PLD1: variants seen among roughly 807,000 people sequenced by gnomAD.
The protein encoded by PLD1 is choline phosphatase 1.
In PLD1, 112 loss-of-function variants were observed where a neutral mutation model predicts 137.1. The ratio of observed to expected loss-of-function variants is 0.82; its 90% CI spans 0.70 to 0.96. The LOEUF (loss-of-function observed/expected upper bound fraction) is 0.96, where lower values mean the gene tolerates loss of function less well. Ranked by LOEUF, PLD1 falls within the 40% of genes least tolerant of loss-of-function variation. The pLI, the probability that PLD1 is intolerant of heterozygous loss-of-function variation, is 0.00. For missense variants in PLD1, 1,321 were observed against 1,342.0 expected, an observed-to-expected ratio of 0.98 and a Z score of 0.24; for synonymous variants, 431 against 454.7, an observed-to-expected ratio of 0.95 and a Z score of 0.66.
intron 1 of PLD1, chr3:171,789,999 G>C (rs1459086669): frequency 6.6e-6 from 1 of 152,244 alleles, no homozygotes; most frequent in Admixed American, 6.5e-5. Flanking sequence ...ACATTTTGCA[G>C]CATGCATGTA....
rs1264095143 is a variant in PLD1 at position 171,748,341 on chromosome 3, T to G, written c.-31-10259A>C. Among the ~76,000 whole-genome samples the G allele has an allele frequency of 3.9e-5, 6 of 152,214 alleles. No individual in the cohort carries two copies. In the East Asian group the frequency reaches 1.2e-3, roughly 29 times the overall value. ...AAAGGTAGTTAATATTGCTAAAAAC[T>G]GTGGTCAGACTTCTAAAATTAACAT... On this transcript the variant is annotated intron_variant, in intron 1 of 26. Transcript: ENST00000351298.
At position 171,687,509 on chromosome 3, in the gene PLD1, T is replaced by C. The variant is rs1182172900; in HGVS notation, c.1615A>G (p.Lys539Glu). ...NEPVQNLPIQ[K>E]SIDDVDSKLK... ...TTTGAATCCACATCATCAATACTCT[T>C]CTGGATGGGTAGGTTTTGAACAGGC... is the stretch of plus-strand genomic sequence containing the variant. Residue 539 changes from lysine to glutamate, a missense_variant, in exon 15 of 27, where the codon AAG (lysine) becomes GAG (glutamate). Lys to Glu is a moderately conservative substitution (Grantham distance 56). Coordinates refer to ENST00000351298, the MANE Select transcript of PLD1 (RefSeq NM_002662.5). 6.2e-7 allele frequency: 1 copy of C among 1,613,870 alleles called. No homozygotes were observed. Among genetic ancestry groups the C allele is most frequent in the African/African-American group, 1.3e-5 (1 of 74,910 alleles).
intron 1 of PLD1, chr3:171,793,028 GGA>G: frequency 4.1e-6 from 1 of 244,694 alleles, no homozygotes; most frequent in Admixed American, 5.7e-5. Context: ...GATCCACGTG[GGA>G]ACACAAACCA....
intron 16 of PLD1, among the ~76,000 whole-genome samples, chr3:171,678,184 C>G (rs775883212): frequency 2.7e-4 from 41 of 152,150 alleles, no homozygotes; most frequent in Non-Finnish European, 5.0e-4. Flanking sequence ...ATGCATAATT[C>G]TTTTGCATTA....
At chr3:171,677,183 C>G (rs1052590293) in intron 17 of PLD1, among the ~76,000 whole-genome samples, 2 of 152,130 alleles carry the variant, frequency 1.3e-5, no homozygotes, top group Non-Finnish European at 2.9e-5. Flanking sequence ...TCTCTATCTC[C>G]TCTTAAACAT....
At chr3:171,779,362 G>A (rs1261130037) in intron 1 of PLD1, among the ~76,000 whole-genome samples, 1 of 152,068 alleles carries the variant, frequency 6.6e-6, no homozygotes, top group African/African-American at 2.4e-5. Context: ...GATGCAGAGT[G>A]TAAAAAAAAG....
rs1181204176 is a variant in PLD1, at chr3:171,777,522, C to T, written c.-32+32877G>A. Among the ~76,000 whole-genome samples, 4 of 152,238 alleles carry T rather than the reference C, an allele frequency of 2.6e-5. No homozygotes were observed. In the East Asian group the frequency reaches 7.7e-4, roughly 29 times the overall value. ...AGGGTTTCCTACTGCCCTAGCAGTTCCTTTAACCTGAAGCCATTTTCTCTA... is the reference window on the plus strand; with the variant it reads ...AGGGTTTCCTACTGCCCTAGCAGTTTCTTTAACCTGAAGCCATTTTCTCTA... On this transcript the variant is annotated intron_variant, in intron 1 of 26. Transcript: ENST00000351298.
intron 25 of PLD1, chr3:171,611,536 C>A: frequency 5.8e-6 from 3 of 512,968 alleles, no homozygotes; most frequent in South Asian, 1.4e-5. Flanking sequence ...AGCCCAGCTT[C>A]CTAGCCCAGT....
rs146885315 is a variant in PLD1, at chr3:171,676,758, C to T, written c.2072G>A (p.Arg691His). 63 of 1,614,086 alleles carry T rather than the reference C, an allele frequency of 3.9e-5. No homozygotes were observed. Among genetic ancestry groups the T allele is most frequent in the African/African-American group, 2.8e-4 (21 of 74,934 alleles). The part of the protein sequence containing the change: ...IASAVHGKAA[R>H]DVARHFIQRW... Reference sequence around the variant, plus strand: ...CTGGATGAAGTGACGTGCCACATCACGAGCCGCCTTCCCGTGGACTGCAGA... The same window carrying T: ...CTGGATGAAGTGACGTGCCACATCATGAGCCGCCTTCCCGTGGACTGCAGA... Residue 691 changes from arginine (R) to histidine (H), a missense_variant, in exon 18 of 27, where the codon CGT (arginine) becomes CAT (histidine). By Grantham distance (29) the Arg-to-His change is conservative. Transcript: ENST00000351298.
chr3:171,720,279 G>A (rs1377066192), intron 8 of PLD1, among the ~76,000 whole-genome samples: 1 of 129,308 alleles, frequency 7.7e-6, no homozygotes, highest in Non-Finnish European at 1.6e-5. Context: ...TGGTGACAAG[G>A]TGAGACCCTG....
At chr3:171,790,519 G>A (rs1162522091) in intron 1 of PLD1, among the ~76,000 whole-genome samples, 3 of 152,190 alleles carry the variant, frequency 2.0e-5, no homozygotes, top group African/African-American at 7.2e-5. Flanking sequence ...GAGAAGAGAA[G>A]ATTGTGAGTT....
Position 171,737,589 on chromosome 3 carries a change from G to A in PLD1, c.231C>T (p.Ser77=), listed in dbSNP as rs999483206. Residue 77 remains serine (S), a synonymous_variant, in exon 3 of 27, where the codon TCC becomes TCT. Transcript: ENST00000351298. The stretch of plus-strand genomic sequence containing the variant: ...GAACTTGTGCTTTTATTGGACAGCC[G>A]GAGAGATACGTCTGTATATTAGGCT... ...FKEPNIQTYL[S]GCPIKAQVLE... 12 of 1,612,136 alleles carry A rather than the reference G, an allele frequency of 7.4e-6. No homozygotes were observed. Among genetic ancestry groups the A allele is most frequent in the East Asian group, 2.2e-5 (1 of 44,866 alleles).
At position 171,600,509 on chromosome 3, in the gene PLD1, T is replaced by C. The variant is rs1312877394; in HGVS notation, c.*2569A>G. 1 of 152,220 alleles carries C rather than the reference T, an allele frequency of 6.6e-6. No individual in the cohort carries two copies. The highest frequency in any genetic ancestry group is 1.5e-5 in the Non-Finnish European group (1 of 68,044). 9.4% of individuals were successfully genotyped at this position (152,220 alleles called of 1,614,324 possible). A position where few individuals can be genotyped will look rare whatever the true frequency, so the allele number is the denominator to read the frequency against. On this transcript the variant is annotated 3_prime_UTR_variant, in exon 27 of 27. Transcript: ENST00000351298. ...TGAATTATTTACATTTTAAAAAGTTTATCAGATATTGCAATGTTAAAGATA... is the reference window on the plus strand; with the variant it reads ...TGAATTATTTACATTTTAAAAAGTTCATCAGATATTGCAATGTTAAAGATA...
intron 23 of PLD1, among the ~76,000 whole-genome samples, chr3:171,628,099 T>G (rs958780508): frequency 1.3e-5 from 2 of 151,490 alleles, no homozygotes; most frequent in Admixed American, 1.3e-4. Flanking sequence ...ATCAACAAAA[T>G]TGATAGACCG....
intron 13 of PLD1, among the ~76,000 whole-genome samples, chr3:171,691,057 T>C (rs1005678404): frequency 6.6e-6 from 1 of 152,240 alleles, no homozygotes; most frequent in Non-Finnish European, 1.5e-5. Flanking sequence ...TAATATATAA[T>C]GTCCTTCTTT....
At chr3:171,718,994 AT>A (rs774438828) in intron 8 of PLD1, among the ~76,000 whole-genome samples, 3 of 152,188 alleles carry the variant, frequency 2.0e-5, no homozygotes, top group Non-Finnish European at 4.4e-5. Context: ...TCAAATGCAG[AT>A]AAGCCCACTT....
At chr3:171,747,158 G>A (rs927317259) in intron 1 of PLD1, among the ~76,000 whole-genome samples, 3 of 152,084 alleles carry the variant, frequency 2.0e-5, no homozygotes, top group African/African-American at 4.8e-5. Flanking sequence ...CACATCAGAA[G>A]GAACAAACTC....
At chr3:171,778,050 TATATGTATTTGTTGCTTACAA>T (rs1348182698) in intron 1 of PLD1, among the ~76,000 whole-genome samples, 3 of 152,250 alleles carry the variant, frequency 2.0e-5, no homozygotes, top group Admixed American at 2.0e-4. Context: ...ATTGCATTCA[TATATGTATTTGTTGCTTACAA>T]GATATTTAAA....
intron 23 of PLD1, among the ~76,000 whole-genome samples, chr3:171,641,334 T>C (rs1412360190): frequency 6.6e-6 from 1 of 152,230 alleles, no homozygotes; most frequent in Non-Finnish European, 1.5e-5. Flanking sequence ...TGACAACTTT[T>C]GTCAGTATTT....
Sources: allele counts gnomAD v4.1 joint callset (sites outside exome capture counted in the v4.1 genomes callset), GRCh38; gene constraint gnomAD v4.1.1; transcripts MANE v1.5; gene names NCBI Gene and HGNC (gene_info 2026-07-23, HGNC 2026-07-21).